Variants in CENPP observed in about 807,000 individuals in gnomAD.
The protein encoded by CENPP is centromere protein P.
In CENPP, 24 loss-of-function variants were observed where a neutral mutation model predicts 35.6. The ratio of observed to expected loss-of-function variants is 0.67; its 90% CI spans 0.49 to 0.95. The LOEUF is 0.95. CENPP is among the 40% of genes least tolerant of loss of function. The pLI, the probability that CENPP is intolerant of heterozygous loss-of-function variation, is 0.00. For synonymous variants in CENPP, 120 were observed against 125.5 expected, an observed-to-expected ratio of 0.96 and a Z score of 0.29; for missense variants, 332 against 345.3, an observed-to-expected ratio of 0.96 and a Z score of 0.31.
At chr9:92,429,826 G>A (rs1844060760) in intron 5 of CENPP, among the ~76,000 whole-genome samples, 1 of 151,580 alleles carries the variant, frequency 6.6e-6, no homozygotes, top group African/African-American at 2.4e-5. Flanking sequence ...TCATCATCTT[G>A]TCATTTTCTT....
intron 3 of CENPP, among the ~76,000 whole-genome samples, chr9:92,345,076 C>A (rs1422373125): frequency 2.6e-5 from 4 of 151,484 alleles, no homozygotes; most frequent in Non-Finnish European, 5.9e-5. Flanking sequence ...ACGGTGAAAC[C>A]CCGTCTCTAC....
At chr9:92,418,664 T>G (rs1023814569) in intron 5 of CENPP, among the ~76,000 whole-genome samples, 2 of 152,116 alleles carry the variant, frequency 1.3e-5, no homozygotes, top group African/African-American at 4.8e-5. Flanking sequence ...GCCTGGGAGA[T>G]TCTACAACTT....
At chr9:92,347,960 G>A (rs148921046) in intron 4 of CENPP, among the ~76,000 whole-genome samples, 2 of 152,162 alleles carry the variant, frequency 1.3e-5, no homozygotes, top group East Asian at 1.9e-4. Context: ...GTCTTACTCG[G>A]TCACCCAGGC....
chr9:92,380,778 G>A (rs1842223478), intron 5 of CENPP, among the ~76,000 whole-genome samples: 1 of 152,184 alleles, frequency 6.6e-6, no homozygotes, highest in Admixed American at 6.5e-5. Flanking sequence ...AATGACCAGG[G>A]AGTGTGCTGG....
At chr9:92,459,509 G>T in intron 5 of CENPP, 2 of 898,650 alleles carry the variant, frequency 2.2e-6, no homozygotes, top group Non-Finnish European at 3.4e-6. Context: ...ATGCAACCTG[G>T]AGAGTCATTA....
intron 5 of CENPP, among the ~76,000 whole-genome samples, chr9:92,546,673 G>A (rs376524882): frequency 2.6e-5 from 4 of 152,184 alleles, no homozygotes; most frequent in African/African-American, 4.8e-5. Context: ...AACACTCACC[G>A]TGAGGGTCCG....
chr9:92,499,626 C>A (rs1040454082), intron 5 of CENPP, among the ~76,000 whole-genome samples: 1 of 152,184 alleles, frequency 6.6e-6, no homozygotes, highest in Non-Finnish European at 1.5e-5. Context: ...AAGCATATGG[C>A]ACAACCTGTG....
At position 92,595,710 on chromosome 9, in the gene CENPP, C is replaced by T. The variant is rs145893245; in HGVS notation, c.565-15604C>T. ...CCTCCCAAGTAGCTGGGATGACAGG[C>T]GTGCACCACCATGCCTGGGTAATTT... On this transcript the variant is annotated intron_variant, in intron 5 of 7. Coordinates refer to ENST00000375587, the MANE Select transcript of CENPP (RefSeq NM_001012267.3). Among the ~76,000 whole-genome samples, 14 of 152,042 alleles carry T rather than the reference C, an allele frequency of 9.2e-5. No individual in the cohort carries two copies. The East Asian group carries it at 1.7e-3, about 19-fold the overall frequency.
At chr9:92,427,585 A>T (rs1052547179) in intron 5 of CENPP, among the ~76,000 whole-genome samples, 1 of 152,092 alleles carries the variant, frequency 6.6e-6, no homozygotes, top group Non-Finnish European at 1.5e-5. Flanking sequence ...GGTTTAAGCA[A>T]TTCTTCTGCC....
At chr9:92,585,704 A>G (rs1214774929) in intron 5 of CENPP, among the ~76,000 whole-genome samples, 2 of 152,222 alleles carry the variant, frequency 1.3e-5, no homozygotes, top group Non-Finnish European at 2.9e-5. Flanking sequence ...TTGACAGAAT[A>G]AACTTTCAGA....
chr9:92,596,466 A>G (rs1019696282), intron 5 of CENPP, among the ~76,000 whole-genome samples: 85 of 151,206 alleles, frequency 5.6e-4, no homozygotes, highest in African/African-American at 1.9e-3. Context: ...AAAAAAAAAA[A>G]AAAAGAAAGA....
At chr9:92,498,061 C>A (rs920553255) in intron 5 of CENPP, among the ~76,000 whole-genome samples, 1 of 152,100 alleles carries the variant, frequency 6.6e-6, no homozygotes, top group Admixed American at 6.5e-5. Flanking sequence ...GCCAAATAAA[C>A]CTTTTCTCTT....
At chr9:92,560,524 G>A (rs531613727) in intron 5 of CENPP, among the ~76,000 whole-genome samples, 1 of 152,316 alleles carries the variant, frequency 6.6e-6, no homozygotes, top group South Asian at 2.1e-4. Flanking sequence ...CTATGTCCAG[G>A]TTGGGTCACA....
At chr9:92,393,318 G>A in intron 5 of CENPP, 3 of 1,185,504 alleles carry the variant, frequency 2.5e-6, no homozygotes, top group Non-Finnish European at 3.5e-6. Flanking sequence ...TAAAATTATT[G>A]CTATTATGAA....
intron 5 of CENPP, chr9:92,502,636 T>C (rs1372819155): frequency 5.0e-6 from 8 of 1,587,130 alleles, no homozygotes; most frequent in Non-Finnish European, 6.0e-6. Flanking sequence ...AATTTGGTTA[T>C]TTTCTAGGTA....
intron 5 of CENPP, among the ~76,000 whole-genome samples, chr9:92,570,990 T>C (rs1213867417): frequency 6.6e-6 from 1 of 152,236 alleles, no homozygotes; most frequent in Non-Finnish European, 1.5e-5. Flanking sequence ...TTAGTCTTGC[T>C]AGCAGTCTAT....
intron 5 of CENPP, among the ~76,000 whole-genome samples, chr9:92,559,738 A>C (rs10820989): frequency 0.43 from 65,238 of 151,960 alleles, 16,604 homozygotes; most frequent in African/African-American, 0.71. Context: ...TGGGCTCAAG[A>C]GATCCTCCTG....
At chr9:92,397,051 C>T (rs958540140) in intron 5 of CENPP, among the ~76,000 whole-genome samples, 2 of 151,586 alleles carry the variant, frequency 1.3e-5, no homozygotes, top group African/African-American at 4.8e-5. Context: ...GTGGCACGTT[C>T]CTGTAGTCCC....
intron 5 of CENPP, among the ~76,000 whole-genome samples, chr9:92,482,738 C>T (rs1252072547): frequency 1.3e-5 from 2 of 152,190 alleles, no homozygotes; most frequent in African/African-American, 4.8e-5. Context: ...TTGTAAATTA[C>T]AATTTCAAAA....
Sources: allele counts gnomAD v4.1 joint callset (sites outside exome capture counted in the v4.1 genomes callset), GRCh38; gene constraint gnomAD v4.1.1; transcripts MANE v1.5; gene names NCBI Gene and HGNC (gene_info 2026-07-23, HGNC 2026-07-21).